The following AGBL1 variants were observed in gnomAD, a reference collection of about 807,000 sequenced individuals.
The protein encoded by AGBL1 is AGBL carboxypeptidase 1.
A neutral mutation model predicts 118.9 loss-of-function variants in AGBL1; 130 were observed. That is an observed-to-expected ratio of 1.09 (90% CI 0.95 to 1.26). AGBL1 has a LOEUF of 1.26. Among genes scored for constraint, AGBL1 ranks in the 50% most tolerant of loss-of-function variants. AGBL1 has a pLI of 0.00. For missense variants in AGBL1, 1,584 were observed against 1,298.1 expected, an observed-to-expected ratio of 1.22 and a Z score of -3.38; for synonymous variants, 555 against 478.9, an observed-to-expected ratio of 1.16 and a Z score of -2.08.
chr15:86,742,708 C>T lies in AGBL1; in HGVS notation c.3158+68272C>T, dbSNP rs143687485. ...CTGATAATATTGCCATTAGCAGTGT[C>T]AGAAAAGAACCTCTTTCCTTCAGTG... On this transcript the variant is annotated intron_variant, in intron 22 of 22. Transcript: ENST00000614907. Among the ~76,000 whole-genome samples the T allele has an allele frequency of 2.0e-4, 31 of 152,166 alleles. No individual in the cohort carries two copies. The East Asian group carries it at 6.0e-3, about 30-fold the overall frequency.
At chr15:86,902,597 CA>C (rs1567231687) in intron 22 of AGBL1, among the ~76,000 whole-genome samples, 2 of 151,218 alleles carry the variant, frequency 1.3e-5, no homozygotes. Context: ...GATCTGTTAC[CA>C]AAAAATTATC....
rs573182419 is a variant in AGBL1 at position 86,453,197 on chromosome 15, G to A, written c.2555+55651G>A. On this transcript the variant is annotated intron_variant, in intron 18 of 22. Coordinates refer to ENST00000614907, the MANE Select transcript of AGBL1 (RefSeq NM_001386094.1). ...GGCACTCAATTACTGTTTGTTAAGT[G>A]AATGAATACGTGCTAAAGAAATAAA... Among the ~76,000 whole-genome samples, 11 of 152,252 alleles carry A rather than the reference G, an allele frequency of 7.2e-5. No individual in the cohort carries two copies. In the South Asian group the frequency reaches 2.1e-3, roughly 29 times the overall value.
chr15:86,141,123 G>C (rs1597448013), intron 1 of AGBL1, among the ~76,000 whole-genome samples: 1 of 152,196 alleles, frequency 6.6e-6, no homozygotes, highest in African/African-American at 2.4e-5. Context: ...TGGCCTTGCT[G>C]TATGTATTAC....
chr15:87,007,560 T>A (rs375507085), intron 24 of AGBL1, among the ~76,000 whole-genome samples: 1 of 152,150 alleles, frequency 6.6e-6, no homozygotes, highest in Admixed American at 6.5e-5. Flanking sequence ...ATAATAGACA[T>A]GAATAAGAAC....
intron 20 of AGBL1, among the ~76,000 whole-genome samples, chr15:86,546,886 GA>G (rs2083591169): frequency 6.6e-6 from 1 of 152,092 alleles, no homozygotes; most frequent in Admixed American, 6.6e-5. Context: ...AATTTCTGTA[GA>G]AAAAGTAGAA....
chr15:86,114,280 G>C (rs1897619268), intron 1 of AGBL1, among the ~76,000 whole-genome samples: 1 of 152,188 alleles, frequency 6.6e-6, no homozygotes, highest in Non-Finnish European at 1.5e-5. Flanking sequence ...CTTCAGCCTT[G>C]GACCCTTGGG....
chr15:86,893,620 T>C (rs1371407753), intron 22 of AGBL1, among the ~76,000 whole-genome samples: 1 of 152,198 alleles, frequency 6.6e-6, no homozygotes, highest in Non-Finnish European at 1.5e-5. Flanking sequence ...TGGCAAGGGA[T>C]AGAGTCTTCT....
intron 18 of AGBL1, among the ~76,000 whole-genome samples, chr15:86,520,364 C>T (rs1250662097): frequency 1.3e-5 from 2 of 152,212 alleles, no homozygotes; most frequent in Non-Finnish European, 2.9e-5. Context: ...ATTTATTTCA[C>T]ACATGAGAAT....
At chr15:86,292,328 G>A (rs2079560924) in intron 16 of AGBL1, among the ~76,000 whole-genome samples, 1 of 152,118 alleles carries the variant, frequency 6.6e-6, no homozygotes, top group Admixed American at 6.5e-5. Context: ...TGAAGGTGGA[G>A]GGAGGTACCA....
intron 18 of AGBL1, among the ~76,000 whole-genome samples, chr15:86,476,209 G>A (rs956515638): frequency 9.9e-5 from 15 of 152,256 alleles, no homozygotes; most frequent in Admixed American, 2.0e-4. Context: ...CATAATGACA[G>A]GATCAAATTC....
chr15:86,624,500 C>T (rs1167912486), intron 21 of AGBL1, among the ~76,000 whole-genome samples: 1 of 152,166 alleles, frequency 6.6e-6, no homozygotes, highest in Non-Finnish European at 1.5e-5. Flanking sequence ...GAGTCATTTC[C>T]TGTGGCCTTC....
intron 24 of AGBL1, among the ~76,000 whole-genome samples, chr15:87,015,907 A>G (rs1392861095): frequency 6.6e-6 from 1 of 152,146 alleles, no homozygotes; most frequent in African/African-American, 2.4e-5. Flanking sequence ...AAATTTGCCA[A>G]CTGCAGAGTA....
At chr15:86,503,643 A>G (rs1284864192) in intron 18 of AGBL1, among the ~76,000 whole-genome samples, 2 of 151,018 alleles carry the variant, frequency 1.3e-5, no homozygotes, top group Admixed American at 6.6e-5. Context: ...ATTTCTATTA[A>G]TTTCAAAGTA....
At chr15:86,274,702 A>C (rs2079217994) in intron 15 of AGBL1, among the ~76,000 whole-genome samples, 1 of 152,196 alleles carries the variant, frequency 6.6e-6, no homozygotes. Flanking sequence ...GGAATACGAC[A>C]GTGATGAGTG....
chr15:86,373,291 C>A (rs1326940563), intron 17 of AGBL1, among the ~76,000 whole-genome samples: 1 of 151,990 alleles, frequency 6.6e-6, no homozygotes, highest in East Asian at 1.9e-4. Flanking sequence ...AATTACTTTC[C>A]CCCGGAAGAA....
At chr15:86,394,939 C>A (rs2081340709) in intron 17 of AGBL1, among the ~76,000 whole-genome samples, 1 of 152,084 alleles carries the variant, frequency 6.6e-6, no homozygotes, top group African/African-American at 2.4e-5. Context: ...GGACAAATTC[C>A]TTCCCCTTCA....
chr15:86,250,145 G>C (rs1404979066), intron 7 of AGBL1, among the ~76,000 whole-genome samples: 1 of 152,068 alleles, frequency 6.6e-6, no homozygotes, highest in Non-Finnish European at 1.5e-5. Context: ...CTGTCACCTG[G>C]AAGAGTGTAT....
chr15:86,665,182 C>T (rs568257639), intron 21 of AGBL1, among the ~76,000 whole-genome samples: 1 of 152,252 alleles, frequency 6.6e-6, no homozygotes, highest in South Asian at 2.1e-4. Flanking sequence ...TGTGAATTCA[C>T]TCAAGTTTAT....
At position 86,247,777 on chromosome 15, in the gene AGBL1, A is replaced by C. The variant is rs748896885; in HGVS notation, c.633A>C (p.Arg211=). ...HDTANAYVQI[R]RGLLLCLRHI... ...CAGCCAACGCCTACGTGCAGATCCG[A>C]CGGGGCTTGCTGCTCTGCCTCAGGC... Residue 211 remains arginine (R), a synonymous_variant, in exon 7 of 23, where the codon CGA becomes CGC. Transcript: ENST00000614907. 24 of 1,613,900 alleles carry C rather than the reference A, an allele frequency of 1.5e-5. No homozygotes were observed. Among genetic ancestry groups the C allele is most frequent in the Non-Finnish European group, 2.0e-5 (24 of 1,179,864 alleles).
Sources: gnomAD v4.1 joint callset for allele counts (sites outside exome capture counted in the v4.1 genomes callset) on GRCh38, gnomAD v4.1.1 for gene constraint, MANE v1.5 for transcripts, NCBI Gene and HGNC (gene_info 2026-07-23, HGNC 2026-07-21) for gene names.